COLEC11: variants seen among roughly 807,000 people sequenced by gnomAD.
COLEC11 encodes the protein collectin subfamily member 11, also known as collectin-11.
In COLEC11, 20 loss-of-function variants were observed where a neutral mutation model predicts 27.3. The observed-to-expected ratio is 0.73, with a 90% CI of 0.51 to 1.06. The LOEUF (loss-of-function observed/expected upper bound fraction) is 1.06, where lower values mean the gene tolerates loss of function less well. Among genes scored for constraint, COLEC11 ranks in the 50% least tolerant of loss-of-function variants. The probability of loss-of-function intolerance (pLI) is 0.00; values close to 1 mark genes in which losing one functional copy is unlikely to be tolerated. For missense variants in COLEC11, 310 were observed against 383.0 expected, an observed-to-expected ratio of 0.81 and a Z score of 1.59; for synonymous variants, 163 against 154.7, an observed-to-expected ratio of 1.05 and a Z score of -0.40.
In COLEC11 at chr2:3,613,533, G is replaced by A. The variant is rs563434686; in HGVS notation, c.202+151G>A. The stretch of plus-strand genomic sequence containing the variant: ...AGGCAGACGGCATGGGACTTGGGTC[G>A]GGAGCAGGGAGGGGAGAGTGGTCCT... On this transcript the variant is annotated intron_variant, in intron 3 of 6. Coordinates refer to ENST00000349077, the MANE Select transcript of COLEC11 (RefSeq NM_024027.5). 82 of 746,786 alleles carry A rather than the reference G, an allele frequency of 1.1e-4. No homozygotes were observed. The African/African-American group carries it at 1.2e-3, about 11-fold the overall frequency. The allele number at this position is 746,786 out of a possible 1,614,324, so 46.3% of individuals were successfully genotyped here.
chr2:3,613,333 C>A lies in COLEC11; in HGVS notation c.153C>A (p.Asp51Glu), dbSNP rs764167531. ...GLKGDAGEKG[D>E]KGAPGRPGRV... The stretch of plus-strand genomic sequence containing the variant: ...CAGGGGATGCGGGAGAGAAGGGAGA[C>A]AAAGGCGCCCCCGGACGGCCTGGAA... Residue 51 changes from aspartate to glutamate, a missense_variant, in exon 3 of 7, where the codon GAC (aspartate) becomes GAA (glutamate). Physicochemically the swap from Asp to Glu is conservative, Grantham distance 45 (BLOSUM62 2). Transcript: ENST00000349077. 8 of 1,610,538 alleles carry A rather than the reference C, an allele frequency of 5.0e-6. No individual in the cohort carries two copies. Among genetic ancestry groups the A allele is most frequent in the Non-Finnish European group, 5.9e-6 (7 of 1,178,648 alleles).
intron 3 of COLEC11, among the ~76,000 whole-genome samples, chr2:3,624,072 TTTTA>T (rs1301956268): frequency 6.6e-6 from 1 of 152,102 alleles, no homozygotes; most frequent in East Asian, 1.9e-4. Context: ...AGGGGTGAAT[TTTTA>T]AAGAGTATAT....
intron 1 of COLEC11, 134 bp from the exon 2 acceptor site, chr2:3,604,181 C>G (rs1364535674): frequency 7.7e-6 from 7 of 912,840 alleles, no homozygotes; most frequent in Non-Finnish European, 1.0e-5. Context: ...GAGTGAGGAG[C>G]ACCCGCCATG....
At chr2:3,630,131 CTATG>C (rs55932188) in intron 3 of COLEC11, among the ~76,000 whole-genome samples, 19,679 of 151,966 alleles carry the variant, frequency 0.13, 1,486 homozygotes, top group East Asian at 0.32. Flanking sequence ...ATGCACATCT[CTATG>C]TGTATATGCA....
At position 3,643,506 on chromosome 2, in the gene COLEC11, C is replaced by T; in HGVS notation, c.391C>T (p.Gln131Ter). The change falls in exon 6 of 7, where the codon CAG (glutamine) becomes TAG (stop). Residue 131 changes from glutamine (Q) to a stop codon, truncating the protein, a stop_gained. Transcript: ENST00000349077. LOFTEE classifies it high-confidence loss of function. ...CGGGGAGATGGACAACCAGGTCTCT[C>T]AGCTGACCAGCGAGCTCAAGTTCAT... Reference protein sequence around the residue: ...AIGEMDNQVSQLTSELKFIKN... With the variant: ...AIGEMDNQVS The T allele has an allele frequency of 1.2e-6, 2 of 1,613,902 alleles. No individual in the cohort carries two copies. The highest frequency in any genetic ancestry group is 1.7e-6 in the Non-Finnish European group (2 of 1,180,012).
At chr2:3,619,783 G>A (rs1361573083) in intron 3 of COLEC11, among the ~76,000 whole-genome samples, 3 of 152,066 alleles carry the variant, frequency 2.0e-5, no homozygotes, top group Non-Finnish European at 4.4e-5. Context: ...GCACCACCAC[G>A]CTCAGCAAAT....
rs1195879723 is a variant in COLEC11, at chr2:3,643,862, G to T, written c.560G>T (p.Gly187Val). 1.2e-6 allele frequency: 2 copies of T among 1,613,632 alleles called. No homozygotes were observed. The highest frequency in any genetic ancestry group is 1.7e-6 in the Non-Finnish European group (2 of 1,180,028). Reference sequence around the variant, plus strand: ...ATGCCCAAGGACGAGGCTGCCAATGGCCTGATGGCCGCATACCTGGCGCAA... The same window carrying T: ...ATGCCCAAGGACGAGGCTGCCAATGTCCTGATGGCCGCATACCTGGCGCAA... ...LSMPKDEAAN[G>V]LMAAYLAQAG... Residue 187 changes from glycine to valine, a missense_variant, in exon 7 of 7, where the codon GGC becomes GTC. By Grantham distance (109) the Gly-to-Val change is moderately radical. Transcript: ENST00000349077.
At chr2:3,638,856 G>A (rs1315614639) in intron 4 of COLEC11, among the ~76,000 whole-genome samples, 3 of 152,240 alleles carry the variant, frequency 2.0e-5, no homozygotes, top group Non-Finnish European at 4.4e-5. Flanking sequence ...TATTTTAAGT[G>A]TACAATTCAG....
intron 3 of COLEC11, among the ~76,000 whole-genome samples, chr2:3,631,253 A>G (rs1227366887): frequency 1.3e-5 from 2 of 152,202 alleles, no homozygotes; most frequent in African/African-American, 4.8e-5. Context: ...AAAAATTAAA[A>G]AAAAAGATGC....
Position 3,644,446 on chromosome 2 carries a change from A to G in COLEC11, c.*328A>G, listed in dbSNP as rs758691212. 2.1e-5 allele frequency: 11 copies of G among 536,502 alleles called. No homozygotes were observed. Among genetic ancestry groups the G allele is most frequent in the Non-Finnish European group, 3.9e-5 (11 of 281,690 alleles). 33.2% of individuals were successfully genotyped at this position (536,502 alleles called of 1,614,324 possible). On this transcript the variant is annotated 3_prime_UTR_variant, in exon 7 of 7. Coordinates refer to ENST00000349077, the MANE Select transcript of COLEC11 (RefSeq NM_024027.5). ...CAATAAAATCTTTAAGTAGTGCAGT[A>G]GTTAAGTCCAAATAGTGGCAATGGG...
rs369478323 is a variant in COLEC11 at position 3,596,337 on chromosome 2, AT to A, written c.-27+1186del. 3.6e-3 allele frequency among the ~76,000 whole-genome samples: 476 copies of A among 132,698 alleles called. 1 individual carries two copies. Among genetic ancestry groups the A allele is most frequent in the African/African-American group, 9.5e-3 (333 of 35,048 alleles). 87.1% of individuals were successfully genotyped at this position (132,698 alleles called of 152,430 possible). A position where few individuals can be genotyped will look rare whatever the true frequency, so the allele number is the denominator to read the frequency against. On this transcript the variant is annotated intron_variant, in intron 1 of 6. Transcript: ENST00000349077. Reference sequence around the variant, plus strand: ...ATGATTTTTTCTCATTGTCTATTTCATTTTTTTTTTTTTTTTTGAGATGGAC... The same window carrying A: ...ATGATTTTTTCTCATTGTCTATTTCATTTTTTTTTTTTTTTTGAGATGGAC...
intron 3 of COLEC11, among the ~76,000 whole-genome samples, chr2:3,634,775 C>A (rs891608260): frequency 3.3e-5 from 5 of 152,064 alleles, no homozygotes; most frequent in African/African-American, 7.2e-5. Context: ...GGCTGGCCCC[C>A]TGACGATGAA....
At chr2:3,613,447 G>A (rs1055411518) in intron 3 of COLEC11, 65 bp downstream of exon 3, 13 of 1,515,152 alleles carry the variant, frequency 8.6e-6, no homozygotes, top group African/African-American at 4.2e-5. Context: ...TGCTAGAGCC[G>A]GGTGGGGAGG....
At chr2:3,623,775 A>C (rs1664337424) in intron 3 of COLEC11, among the ~76,000 whole-genome samples, 1 of 151,948 alleles carries the variant, frequency 6.6e-6, no homozygotes, top group Non-Finnish European at 1.5e-5. Flanking sequence ...TAAAATGATT[A>C]TTTTGAGTTC....
chr2:3,625,863 C>T (rs2147922324), intron 3 of COLEC11: 1 of 714,818 alleles, frequency 1.4e-6, no homozygotes, highest in Non-Finnish European at 2.5e-6. Flanking sequence ...GAACTCCTGA[C>T]CTCAAGAGAT....
rs557498650 is a variant in COLEC11, at chr2:3,614,471, G to A, written c.202+1089G>A. Among the ~76,000 whole-genome samples the A allele has an allele frequency of 5.3e-5, 8 of 152,204 alleles. No homozygotes were observed. In the South Asian group the frequency reaches 1.5e-3, roughly 28 times the overall value. On this transcript the variant is annotated intron_variant, in intron 3 of 6. Coordinates refer to ENST00000349077, the MANE Select transcript of COLEC11 (RefSeq NM_024027.5). ...TGGTCATTCTCATTTTGAGATTACC[G>A]TGCAATCAGTTTTGACCATTGCCCT...
At chr2:3,597,006 G>A (rs539862067) in intron 1 of COLEC11, among the ~76,000 whole-genome samples, 9 of 152,350 alleles carry the variant, frequency 5.9e-5, no homozygotes, top group Middle Eastern at 3.4e-3. Context: ...GGGGCCCCTC[G>A]CAGGAAAGTG....
In COLEC11 at chr2:3,609,686, C is replaced by T. The variant is rs537589627; in HGVS notation, c.131-3625C>T. On this transcript the variant is annotated intron_variant, in intron 2 of 6. Coordinates refer to ENST00000349077, the MANE Select transcript of COLEC11 (RefSeq NM_024027.5). The stretch of plus-strand genomic sequence containing the variant: ...CTGAGATTATAGGCACCCGCTACCA[C>T]GCCTGGCTAATTTTTGTATTTTTAG... Among the ~76,000 whole-genome samples, 53 of 152,256 alleles carry T rather than the reference C, an allele frequency of 3.5e-4. 1 individual carries two copies. In the South Asian group the frequency reaches 9.5e-3, roughly 27 times the overall value.
chr2:3,641,985 G>C (rs990238753), intron 5 of COLEC11, among the ~76,000 whole-genome samples: 2 of 152,244 alleles, frequency 1.3e-5, no homozygotes, highest in African/African-American at 4.8e-5. Flanking sequence ...CGGCACCACG[G>C]AGGCGATGAC....
Sources: gnomAD v4.1 joint callset for allele counts (sites outside exome capture counted in the v4.1 genomes callset) on GRCh38, gnomAD v4.1.1 for gene constraint, MANE v1.5 for transcripts, NCBI Gene and HGNC (gene_info 2026-07-23, HGNC 2026-07-21) for gene names.